The following PAPPA2 variants were observed in gnomAD, a reference collection of about 807,000 sequenced individuals.
PAPPA2 encodes the protein pappalysin-2.
A neutral mutation model predicts 176.4 loss-of-function variants in PAPPA2; 86 were observed. The observed-to-expected ratio is 0.49, with a 90% CI of 0.41 to 0.58. PAPPA2 has a LOEUF of 0.58. Ranked by LOEUF, PAPPA2 falls within the 20% of genes least tolerant of loss-of-function variation. The pLI is 0.00. For synonymous variants in PAPPA2, 809 were observed against 852.2 expected (o/e 0.95, Z 0.88); for missense variants, 2,073 against 2,256.9 (o/e 0.92, Z 1.65).
intron 4 of PAPPA2, among the ~76,000 whole-genome samples, chr1:176,673,668 C>T (rs950914485): frequency 5.3e-5 from 8 of 152,056 alleles, no homozygotes; most frequent in African/African-American, 1.9e-4. Context: ...TAGAATTGGG[C>T]ATTAGCAAGA....
At chr1:176,689,581 A>G (rs1048756326) in intron 4 of PAPPA2, among the ~76,000 whole-genome samples, 2 of 152,182 alleles carry the variant, frequency 1.3e-5, no homozygotes, top group African/African-American at 4.8e-5. Context: ...TTTTAGTGTT[A>G]TCATCCCCAC....
chr1:176,585,834 G>A (rs1379474339), intron 2 of PAPPA2, among the ~76,000 whole-genome samples: 1 of 151,660 alleles, frequency 6.6e-6, no homozygotes, highest in Non-Finnish European at 1.5e-5. Flanking sequence ...ATATCTGTTT[G>A]GTTCTTTTGT....
At chr1:176,819,676 AGG>A (rs1231337986) in intron 21 of PAPPA2, among the ~76,000 whole-genome samples, 1 of 152,200 alleles carries the variant, frequency 6.6e-6, no homozygotes, top group African/African-American at 2.4e-5. Flanking sequence ...AAGCAAGCCA[AGG>A]CTGAGCCGAG....
chr1:176,725,409 A>C (rs1661818119), intron 12 of PAPPA2, among the ~76,000 whole-genome samples: 1 of 152,206 alleles, frequency 6.6e-6, no homozygotes, highest in African/African-American at 2.4e-5. Flanking sequence ...TTCACTTTTA[A>C]TTCTACTTAG....
intron 1 of PAPPA2, among the ~76,000 whole-genome samples, chr1:176,470,560 A>G (rs1304457330): frequency 6.6e-6 from 1 of 152,186 alleles, no homozygotes; most frequent in Non-Finnish European, 1.5e-5. Flanking sequence ...GGCTGACTCT[A>G]GGCTGCATGG....
At chr1:176,597,800 G>T (rs562212700) in intron 3 of PAPPA2, among the ~76,000 whole-genome samples, 1 of 152,284 alleles carries the variant, frequency 6.6e-6, no homozygotes, top group African/African-American at 2.4e-5. Context: ...GGATCCCCCA[G>T]ATAAATGAGA....
intron 14 of PAPPA2, among the ~76,000 whole-genome samples, chr1:176,756,842 T>C (rs1429967301): frequency 1.3e-5 from 2 of 152,200 alleles, no homozygotes; most frequent in African/African-American, 4.8e-5. Context: ...GTATTTCTCC[T>C]AACACTATGC....
intron 1 of PAPPA2, among the ~76,000 whole-genome samples, chr1:176,540,902 T>G (rs1489742571): frequency 6.6e-6 from 1 of 152,174 alleles, no homozygotes; most frequent in African/African-American, 2.4e-5. Context: ...CTCAAGAAGT[T>G]CTCAAATCCT....
chr1:176,781,358 T>C (rs1322233205), intron 17 of PAPPA2, among the ~76,000 whole-genome samples: 4 of 138,958 alleles, frequency 2.9e-5, no homozygotes, highest in African/African-American at 1.1e-4. Context: ...AAGAGCTTTG[T>C]AAGGGGCTTT....
At chr1:176,724,311 G>A (rs1370131246) in intron 12 of PAPPA2, among the ~76,000 whole-genome samples, 1 of 152,050 alleles carries the variant, frequency 6.6e-6, no homozygotes, top group Non-Finnish European at 1.5e-5. Flanking sequence ...TCAACTCTTG[G>A]TGTCATTGGG....
chr1:176,657,603 G>T (rs988444492), intron 3 of PAPPA2, among the ~76,000 whole-genome samples: 1 of 152,006 alleles, frequency 6.6e-6, no homozygotes, highest in Non-Finnish European at 1.5e-5. Flanking sequence ...TGAATGTGGT[G>T]TAGTCAGGAA....
At chr1:176,772,503 T>C (rs572460858) in intron 17 of PAPPA2, among the ~76,000 whole-genome samples, 1 of 152,206 alleles carries the variant, frequency 6.6e-6, no homozygotes, top group Admixed American at 6.5e-5. Flanking sequence ...CATTTGGCCA[T>C]TAGAGCAATG....
chr1:176,612,790 T>A (rs988847081), intron 3 of PAPPA2, among the ~76,000 whole-genome samples: 2 of 152,232 alleles, frequency 1.3e-5, no homozygotes, highest in African/African-American at 4.8e-5. Context: ...GGCCACTTTA[T>A]GTCCTCAATG....
rs142225224 is a variant in PAPPA2, at chr1:176,707,665, G to A, written c.3457+1215G>A. Among the ~76,000 whole-genome samples the A allele has an allele frequency of 3.7e-3, 559 of 151,994 alleles. 6 individuals are homozygous for A. The highest frequency in any genetic ancestry group is 0.012 in the African/African-American group (514 of 41,462). On this transcript the variant is annotated intron_variant, in intron 10 of 22. Coordinates refer to ENST00000367662, the MANE Select transcript of PAPPA2 (RefSeq NM_020318.3). ...AAATTTTTCCCCTTTTTTCCAGTTC[G>A]AAAACTGAGGCTCAGAACGTTTTAA...
chr1:176,469,428 T>A (rs1572939786), intron 1 of PAPPA2, among the ~76,000 whole-genome samples: 4 of 152,054 alleles, frequency 2.6e-5, no homozygotes, highest in Admixed American at 2.0e-4. Context: ...ACCCCTCTAG[T>A]ACCCCACCAA....
intron 17 of PAPPA2, among the ~76,000 whole-genome samples, chr1:176,789,025 G>A (rs932499759): frequency 3.3e-5 from 5 of 151,958 alleles, no homozygotes; most frequent in South Asian, 2.1e-4. Context: ...AACCTTTTTT[G>A]TACCCCATCT....
chr1:176,808,248 A>G (rs996856815), intron 21 of PAPPA2, among the ~76,000 whole-genome samples: 26 of 152,316 alleles, frequency 1.7e-4, no homozygotes, highest in African/African-American at 6.0e-4. Context: ...ATGTCAAGTC[A>G]GGTGTGAAAT....
rs1454199605 is a variant in PAPPA2 at position 176,671,127 on chromosome 1, G to A, written c.2137+12G>A. 2.5e-6 allele frequency: 4 copies of A among 1,613,254 alleles called. No individual in the cohort carries two copies. In the South Asian group the frequency reaches 3.3e-5, roughly 13 times the overall value. ...TGTCACTCACCTGGGTAAGTGAAAT[G>A]AAGACCAAACATAGTAGGAAAAAAA... On this transcript the variant is annotated intron_variant, in intron 4 of 22. Transcript: ENST00000367662.
At chr1:176,831,917 G>A (rs1399197019) in intron 21 of PAPPA2, among the ~76,000 whole-genome samples, 4 of 152,128 alleles carry the variant, frequency 2.6e-5, no homozygotes, top group African/African-American at 9.7e-5. Context: ...TTTCAAAACT[G>A]TTTCCCTTGT....
Sources: allele counts gnomAD v4.1 joint callset (sites outside exome capture counted in the v4.1 genomes callset), GRCh38; gene constraint gnomAD v4.1.1; transcripts MANE v1.5; gene names NCBI Gene and HGNC (gene_info 2026-07-23, HGNC 2026-07-21).